SLAMF1: variants seen among roughly 807,000 people sequenced by gnomAD.
SLAMF1 encodes the protein signaling lymphocytic activation molecule.
A neutral mutation model predicts 35.1 loss-of-function variants in SLAMF1; 18 were observed. That is an observed-to-expected ratio of 0.51 (90% CI 0.35 to 0.76). The LOEUF (loss-of-function observed/expected upper bound fraction) is 0.76, where lower values mean the gene tolerates loss of function less well. Ranked by LOEUF, SLAMF1 falls within the 30% of genes least tolerant of loss-of-function variation. The pLI, the probability that SLAMF1 is intolerant of heterozygous loss-of-function variation, is 0.01. For synonymous variants in SLAMF1, 168 were observed against 157.2 expected (o/e 1.07, Z -0.51); for missense variants, 392 against 413.0 (o/e 0.95, Z 0.44).
intron 3 of SLAMF1, among the ~76,000 whole-genome samples, chr1:160,629,233 T>G (rs528697191): frequency 3.9e-5 from 6 of 152,050 alleles, no homozygotes; most frequent in African/African-American, 1.4e-4. Flanking sequence ...CAGTCACACA[T>G]CCAAGGAAAA....
At chr1:160,634,197 T>A (rs1342898505) in intron 3 of SLAMF1, among the ~76,000 whole-genome samples, 3 of 152,242 alleles carry the variant, frequency 2.0e-5, no homozygotes, top group African/African-American at 7.2e-5. Flanking sequence ...TTATTCACAA[T>A]TTCTTACCAG....
chr1:160,634,926 C>A, intron 2 of SLAMF1, 29 bp from the exon 3 acceptor site: 2 of 1,579,778 alleles, frequency 1.3e-6, no homozygotes, highest in South Asian at 1.1e-5. Flanking sequence ...AGGGAGCCAT[C>A]ACTGAAGTGA....
At chr1:160,618,243 T>C (rs1331889981) in intron 5 of SLAMF1, among the ~76,000 whole-genome samples, 2 of 152,164 alleles carry the variant, frequency 1.3e-5, no homozygotes, top group Non-Finnish European at 2.9e-5. Flanking sequence ...AGCCAAAAAC[T>C]TTTGCAGAAA....
chr1:160,630,550 G>T (rs1660112760), intron 3 of SLAMF1, among the ~76,000 whole-genome samples: 1 of 151,994 alleles, frequency 6.6e-6, no homozygotes, highest in African/African-American at 2.4e-5. Flanking sequence ...TAAACCCTCG[G>T]ACCCCACCCT....
chr1:160,621,906 C>G (rs1659635498), intron 4 of SLAMF1, among the ~76,000 whole-genome samples: 1 of 146,178 alleles, frequency 6.8e-6, no homozygotes, highest in African/African-American at 2.6e-5. Flanking sequence ...GGGGAGGACT[C>G]AAGAAGCAGT....
Position 160,641,692 on chromosome 1 carries a change from A to G in SLAMF1, c.77-4163T>C, listed in dbSNP as rs139609892. On this transcript the variant is annotated intron_variant, in intron 1 of 6. Coordinates refer to ENST00000302035, the MANE Select transcript of SLAMF1 (RefSeq NM_003037.5). ...TGTTGGGGTCTGGAGGGGGTACTTG[A>G]GATCACCCTCACATAAGCACAAGGT... Among the ~76,000 whole-genome samples the G allele has an allele frequency of 3.2e-4, 48 of 152,212 alleles. 1 individual carries two copies. In the East Asian group the frequency reaches 6.8e-3, roughly 21 times the overall value.
At chr1:160,614,826 T>C (rs1659204721) in intron 5 of SLAMF1, among the ~76,000 whole-genome samples, 1 of 152,210 alleles carries the variant, frequency 6.6e-6, no homozygotes, top group Non-Finnish European at 1.5e-5. Context: ...GGAATTATTT[T>C]AAACATAAAT....
At chr1:160,633,803 G>A (rs1660284435) in intron 3 of SLAMF1, among the ~76,000 whole-genome samples, 1 of 152,204 alleles carries the variant, frequency 6.6e-6, no homozygotes, top group Non-Finnish European at 1.5e-5. Flanking sequence ...AGAACAGTCA[G>A]AAGATGTAGG....
chr1:160,634,672 G>T lies in SLAMF1; in HGVS notation c.641C>A (p.Pro214His). The change falls in exon 3 of 7, where the codon CCT (proline) becomes CAT (histidine). Residue 214 changes from proline (P) to histidine (H), a missense_variant. Coordinates refer to ENST00000302035, the MANE Select transcript of SLAMF1 (RefSeq NM_003037.5). Reference protein sequence around the residue: ...DNIYICTVSNPISNNSQTFSP... With the variant: ...DNIYICTVSNHISNNSQTFSP... ...GAAGGTCTGGGAATTGTTGCTGATA[G>T]GGTTGCTCACGGTGCAGATGTAGAT... 6.2e-7 allele frequency: 1 copy of T among 1,614,068 alleles called. No homozygotes were observed. Among genetic ancestry groups the T allele is most frequent in the Non-Finnish European group, 8.5e-7 (1 of 1,179,956 alleles).
Position 160,609,803 on chromosome 1 carries a change from A to C in SLAMF1, c.*945T>G, listed in dbSNP as rs1658883671. 6.5e-6 allele frequency: 1 copy of C among 153,120 alleles called. No homozygotes were observed. The highest frequency in any genetic ancestry group is 1.5e-5 in the Non-Finnish European group (1 of 68,750). 9.5% of individuals were successfully genotyped at this position (153,120 alleles called of 1,614,324 possible). ...TAGAAAGTGCCTAGGAAAGACCTTG[A>C]CCTGCAATACCCCTTGAAGCCCTGG... is the stretch of plus-strand genomic sequence containing the variant. On this transcript the variant is annotated 3_prime_UTR_variant, in exon 7 of 7. Transcript: ENST00000302035.
chr1:160,644,635 T>C (rs1033861399), intron 1 of SLAMF1, among the ~76,000 whole-genome samples: 3 of 152,218 alleles, frequency 2.0e-5, no homozygotes, highest in Non-Finnish European at 2.9e-5. Flanking sequence ...GTGTCCTTAA[T>C]AGTTGCTGAA....
chr1:160,631,029 G>A (rs758698500), intron 3 of SLAMF1, among the ~76,000 whole-genome samples: 2 of 151,440 alleles, frequency 1.3e-5, no homozygotes, highest in Non-Finnish European at 2.9e-5. Context: ...GTCTAATCTC[G>A]GATCATTGTT....
chr1:160,632,808 G>A (rs191657705), intron 3 of SLAMF1, among the ~76,000 whole-genome samples: 1 of 152,196 alleles, frequency 6.6e-6, no homozygotes, highest in African/African-American at 2.4e-5. Flanking sequence ...TTTTATTATG[G>A]TTTATAAGGC....
At chr1:160,613,036 A>G (rs1174851713) in intron 5 of SLAMF1, among the ~76,000 whole-genome samples, 3 of 151,766 alleles carry the variant, frequency 2.0e-5, no homozygotes, top group Admixed American at 6.6e-5. Context: ...CCTCACAACC[A>G]CTCTGTGTTA....
chr1:160,625,148 T>C (rs910644769), intron 3 of SLAMF1, among the ~76,000 whole-genome samples: 5 of 152,160 alleles, frequency 3.3e-5, no homozygotes, highest in Admixed American at 3.3e-4. Flanking sequence ...CTTGGAGAGT[T>C]AGAGAGACTT....
chr1:160,642,885 C>G lies in SLAMF1; in HGVS notation c.76+3985G>C, dbSNP rs1160312637. 2.6e-5 allele frequency among the ~76,000 whole-genome samples: 4 copies of G among 152,162 alleles called. No homozygotes were observed. The highest frequency in any genetic ancestry group is 2.6e-4 in the Admixed American group (4 of 15,276). ...TGCCTCCTTCTAGAACGCTCCTTCT[C>G]AAGTTCCATAAAAATCAAGCCCATC... On this transcript the variant is annotated intron_variant, in intron 1 of 6. Transcript: ENST00000302035. The surrounding 1 kb of genome is among the most constrained non-coding windows in gnomAD (Gnocchi z 4.2).
chr1:160,635,031 A>G, intron 2 of SLAMF1, 134 bp from the exon 3 acceptor site: 1 of 727,990 alleles, frequency 1.4e-6, no homozygotes, highest in Non-Finnish European at 2.3e-6. Flanking sequence ...TCTAGTGGGG[A>G]ATCTATTGCT....
Position 160,634,662 on chromosome 1 carries a change from G to A in SLAMF1, c.651C>T (p.Asn217=). 6.2e-7 allele frequency: 1 copy of A among 1,614,022 alleles called. No homozygotes were observed. Residue 217 remains asparagine (N), a synonymous_variant, in exon 3 of 7, where the codon AAC becomes AAT. Coordinates refer to ENST00000302035, the MANE Select transcript of SLAMF1 (RefSeq NM_003037.5). ...YICTVSNPIS[N]NSQTFSPWPG... is the part of the protein sequence containing the mutation. The stretch of plus-strand genomic sequence containing the variant: ...GCCACGGGCTGAAGGTCTGGGAATT[G>A]TTGCTGATAGGGTTGCTCACGGTGC...
intron 1 of SLAMF1, among the ~76,000 whole-genome samples, chr1:160,639,682 T>C (rs1660640070): frequency 6.6e-6 from 1 of 152,218 alleles, no homozygotes; most frequent in Non-Finnish European, 1.5e-5. Context: ...ATTCATACAA[T>C]AGATGGAATC....
Sources: allele counts gnomAD v4.1 joint callset (sites outside exome capture counted in the v4.1 genomes callset), GRCh38; gene constraint gnomAD v4.1.1; non-coding constraint Gnocchi (gnomAD v3.1); transcripts MANE v1.5; gene names NCBI Gene and HGNC (gene_info 2026-07-23, HGNC 2026-07-21).